FAM149B1: variants seen among roughly 807,000 people sequenced by gnomAD.
The protein encoded by FAM149B1 is family with sequence similarity 149 member B1.
A neutral mutation model predicts 75.3 loss-of-function variants in FAM149B1; 56 were observed. That is an observed-to-expected ratio of 0.74 (90% CI 0.60 to 0.93). The LOEUF (loss-of-function observed/expected upper bound fraction) is 0.93. Ranked by LOEUF, FAM149B1 falls within the 40% of genes least tolerant of loss-of-function variation. FAM149B1 has a pLI of 0.00. For missense variants in FAM149B1, 639 were observed against 708.4 expected, an observed-to-expected ratio of 0.90 and a Z score of 1.11; for synonymous variants, 259 against 256.1, an observed-to-expected ratio of 1.01 and a Z score of -0.11.
At chr10:73,221,340 T>C (rs577514272) in intron 7 of FAM149B1, among the ~76,000 whole-genome samples, 1 of 151,970 alleles carries the variant, frequency 6.6e-6, no homozygotes, top group African/African-American at 2.4e-5. Flanking sequence ...ATATTTCTTG[T>C]ATGTGGGTCT....
At position 73,239,352 on chromosome 10, in the gene FAM149B1, C is replaced by A. The variant is rs1165133822; in HGVS notation, c.1643C>A (p.Pro548His). The change falls in exon 13 of 14, where the codon CCT becomes CAT. Residue 548 changes from proline (P) to histidine (H), a missense_variant. Transcript: ENST00000242505. Reference sequence around the variant, plus strand: ...CGTCGCTCATGTGCAGTTGAGTATCCTCATCAGGCCCGACCTGGCAGGGGA... The same window carrying A: ...CGTCGCTCATGTGCAGTTGAGTATCATCATCAGGCCCGACCTGGCAGGGGA... ...QYRRSCAVEY[P>H]HQARPGRGSA... 1 of 1,551,624 alleles carries A rather than the reference C, an allele frequency of 6.4e-7. No individual in the cohort carries two copies. The highest frequency in any genetic ancestry group is 2.0e-5 in the Admixed American group (1 of 50,994).
chr10:73,235,918 A>C (rs2043810199), intron 12 of FAM149B1, among the ~76,000 whole-genome samples: 1 of 152,186 alleles, frequency 6.6e-6, no homozygotes, highest in South Asian at 2.1e-4. Context: ...AAGTAATAGA[A>C]AAAACCTGAT....
In FAM149B1 at chr10:73,200,796, T is replaced by A. The variant is rs530585607; in HGVS notation, c.542+7203T>A. ...GAGCAGGAGGAATGGAAGTTGGATATACTTTGTGACTTGTACAAGGCACCA... is the reference window on the plus strand; with the variant it reads ...GAGCAGGAGGAATGGAAGTTGGATAAACTTTGTGACTTGTACAAGGCACCA... On this transcript the variant is annotated intron_variant, in intron 5 of 13. Transcript: ENST00000242505. The A allele has an allele frequency of 3.0e-4, 144 of 481,374 alleles. 1 individual carries two copies. The highest frequency in any genetic ancestry group is 2.4e-3 in the South Asian group (141 of 59,946). The allele number at this position is 481,374 out of a possible 1,614,324, so 29.8% of individuals were successfully genotyped here.
rs1342619414 is a variant in FAM149B1, at chr10:73,241,531, T to C, written c.*512T>C. The C allele has an allele frequency of 6.3e-6, 1 of 157,600 alleles. No individual in the cohort carries two copies. Among genetic ancestry groups the C allele is most frequent in the African/African-American group, 2.4e-5 (1 of 41,516 alleles). The allele number at this position is 157,600 out of a possible 1,614,324, so 9.8% of individuals were successfully genotyped here. On this transcript the variant is annotated 3_prime_UTR_variant, in exon 14 of 14. Coordinates refer to ENST00000242505, the MANE Select transcript of FAM149B1 (RefSeq NM_173348.2). ...AAAACTCTCTTTAGATGTCCTACCC[T>C]ATCAGCAGATTAAAATGGAAGGGGT...
intron 3 of FAM149B1, among the ~76,000 whole-genome samples, chr10:73,179,707 T>A (rs536309540): frequency 6.6e-6 from 1 of 152,218 alleles, no homozygotes; most frequent in African/African-American, 2.4e-5. Flanking sequence ...GCTTTTTTTT[T>A]AACAAAAAGC....
rs539950064 is a variant in FAM149B1, at chr10:73,207,700, G to A, written c.543-919G>A. Among the ~76,000 whole-genome samples the A allele has an allele frequency of 2.2e-4, 33 of 152,354 alleles. No homozygotes were observed. The South Asian group carries it at 6.6e-3, about 31-fold the overall frequency. On this transcript the variant is annotated intron_variant, in intron 5 of 13. Coordinates refer to ENST00000242505, the MANE Select transcript of FAM149B1 (RefSeq NM_173348.2). ...CCAGGGTCTTGGAAGCCTACCGCTT[G>A]CACCTTGTCATGGGACATCAAGGGG...
At chr10:73,193,617 C>T (rs548832980) in intron 5 of FAM149B1, 24 bp downstream of exon 5, 2 of 1,545,760 alleles carry the variant, frequency 1.3e-6, no homozygotes, top group South Asian at 1.2e-5. Flanking sequence ...TATGTAAGTA[C>T]TTCAATGTGC....
At chr10:73,188,933 C>T (rs1300829431) in intron 3 of FAM149B1, among the ~76,000 whole-genome samples, 1 of 151,910 alleles carries the variant, frequency 6.6e-6, no homozygotes, top group East Asian at 1.9e-4. Context: ...GTGGCTTGTG[C>T]CTGTAACCCC....
chr10:73,201,480 A>T (rs1054520172), intron 5 of FAM149B1, among the ~76,000 whole-genome samples: 3 of 152,200 alleles, frequency 2.0e-5, no homozygotes, highest in Non-Finnish European at 4.4e-5. Context: ...TTTCTTTCTT[A>T]GAAATTTATT....
At chr10:73,240,902 C>A in intron 13 of FAM149B1, 44 bp from the exon 14 acceptor site, 1 of 1,174,010 alleles carries the variant, frequency 8.5e-7, no homozygotes, top group South Asian at 1.3e-5. Flanking sequence ...GAGTGATTAT[C>A]AAACCTAGAC....
intron 7 of FAM149B1, among the ~76,000 whole-genome samples, chr10:73,220,884 G>T (rs1029385537): frequency 7.2e-5 from 11 of 152,172 alleles, no homozygotes; most frequent in Admixed American, 7.2e-4. Context: ...CCCAATCAGT[G>T]CTATTTTGTT....
chr10:73,189,875 G>A (rs1019057350), intron 3 of FAM149B1, among the ~76,000 whole-genome samples: 1 of 152,160 alleles, frequency 6.6e-6, no homozygotes, highest in Non-Finnish European at 1.5e-5. Context: ...CAGTAAAGTT[G>A]ATTAAAATTT....
intron 7 of FAM149B1, among the ~76,000 whole-genome samples, chr10:73,213,823 TGAATTTTA>T (rs2043241688): frequency 6.6e-6 from 1 of 152,212 alleles, no homozygotes; most frequent in Admixed American, 6.5e-5. Flanking sequence ...TGGTTCCATA[TGAATTTTA>T]GGATTTTTTT....
chr10:73,172,382 C>A (rs1426101458), intron 1 of FAM149B1, among the ~76,000 whole-genome samples: 1 of 152,206 alleles, frequency 6.6e-6, no homozygotes, highest in Non-Finnish European at 1.5e-5. Flanking sequence ...CTTCTAGAGG[C>A]CTTCCTCTGA....
chr10:73,185,335 A>G (rs2042493783), intron 3 of FAM149B1, among the ~76,000 whole-genome samples: 1 of 152,126 alleles, frequency 6.6e-6, no homozygotes, highest in Non-Finnish European at 1.5e-5. Flanking sequence ...GATCACTTGA[A>G]CCCAGTAGTT....
At chr10:73,219,321 T>C (rs558437643) in intron 7 of FAM149B1, among the ~76,000 whole-genome samples, 40 of 152,288 alleles carry the variant, frequency 2.6e-4, no homozygotes, top group African/African-American at 9.6e-4. Flanking sequence ...TGTTAAGATG[T>C]TAACACTCCC....
chr10:73,233,735 T>C (rs1299611839), intron 10 of FAM149B1, among the ~76,000 whole-genome samples: 1 of 152,260 alleles, frequency 6.6e-6, no homozygotes, highest in African/African-American at 2.4e-5. Context: ...TTGGCTAGAA[T>C]ACTATATTGG....
At chr10:73,170,161 C>T (rs1004349550) in intron 1 of FAM149B1, among the ~76,000 whole-genome samples, 6 of 152,134 alleles carry the variant, frequency 3.9e-5, no homozygotes, top group Non-Finnish European at 7.4e-5. Flanking sequence ...CAAATTACTA[C>T]ATCACTGAGC....
At chr10:73,190,803 C>T (rs566103246) in intron 3 of FAM149B1, among the ~76,000 whole-genome samples, 2 of 151,324 alleles carry the variant, frequency 1.3e-5, no homozygotes, top group South Asian at 2.1e-4. Context: ...ACTACAGCCT[C>T]GAACTCTAGG....
Sources: gnomAD v4.1 joint callset for allele counts (sites outside exome capture counted in the v4.1 genomes callset) on GRCh38, gnomAD v4.1.1 for gene constraint, MANE v1.5 for transcripts, NCBI Gene and HGNC (gene_info 2026-07-23, HGNC 2026-07-21) for gene names.